The following NSF variants were observed in gnomAD, a reference collection of about 807,000 sequenced individuals.
The protein encoded by NSF is N-ethylmaleimide sensitive factor, vesicle fusing ATPase.
Under a neutral mutation model 50.3 loss-of-function variants are expected in NSF, and 14 were observed. The ratio of observed to expected loss-of-function variants is 0.28; its 90% confidence interval spans 0.18 to 0.44. NSF has a LOEUF of 0.44. Among genes scored for constraint, NSF ranks in the 20% least tolerant of loss-of-function variants. The pLI is 1.00. For missense variants in NSF, 218 were observed against 504.3 expected (o/e 0.43, Z 5.44); for synonymous variants, 109 against 175.7 (o/e 0.62, Z 3.00).
At chr17:46,673,911 G>GATA (rs1568027306) in intron 8 of NSF, among the ~76,000 whole-genome samples, 34 of 5,422 alleles carry the variant, frequency 6.3e-3, no homozygotes, top group East Asian at 0.035. Flanking sequence ...TTCCATGGGG[G>GATA]TGTGTGTGTG....
chr17:46,741,531 G>A (rs1339660340), intron 17 of NSF, among the ~76,000 whole-genome samples: 1 of 151,940 alleles, frequency 6.6e-6, no homozygotes, highest in Non-Finnish European at 1.5e-5. Flanking sequence ...CTGCCTAGTT[G>A]TGGCATGATT....
intron 15 of NSF, among the ~76,000 whole-genome samples, chr17:46,720,041 C>T (rs1365142193): frequency 1.3e-5 from 2 of 152,324 alleles, no homozygotes; most frequent in East Asian, 3.9e-4. Context: ...GTAGTCTGCA[C>T]AGAACAGAAT....
chr17:46,622,318 C>T lies in NSF; in HGVS notation c.13-1926C>T, dbSNP rs1332157460. Among the ~76,000 whole-genome samples the T allele has an allele frequency of 2.5e-4, 37 of 148,302 alleles. 1 individual carries two copies. The highest frequency in any genetic ancestry group is 8.1e-4 in the African/African-American group (32 of 39,286). ...TGAAAATACAAAAAAATTAGCCAGGCGTGGTGGTGGGTACCTGTAGTCCCA... is the reference window on the plus strand; with the variant it reads ...TGAAAATACAAAAAAATTAGCCAGGTGTGGTGGTGGGTACCTGTAGTCCCA... On this transcript the variant is annotated intron_variant, in intron 1 of 20. Transcript: ENST00000398238.
At chr17:46,754,963 C>T (rs973577897) in intron 19 of NSF, among the ~76,000 whole-genome samples, 1 of 152,246 alleles carries the variant, frequency 6.6e-6, no homozygotes, top group Admixed American at 6.5e-5. Flanking sequence ...ACACCTTCAA[C>T]AGGTGAATTG....
chr17:46,748,524 C>T (rs1156603253), intron 17 of NSF, among the ~76,000 whole-genome samples: 1 of 152,144 alleles, frequency 6.6e-6, no homozygotes, highest in South Asian at 2.1e-4. Flanking sequence ...ACCTCCCTCA[C>T]TCTTTCTGAG....
At chr17:46,740,043 C>T (rs2059054323) in intron 17 of NSF, among the ~76,000 whole-genome samples, 1 of 152,146 alleles carries the variant, frequency 6.6e-6, no homozygotes, top group South Asian at 2.1e-4. Flanking sequence ...TTCATAGGCC[C>T]TGGGCACTGT....
intron 9 of NSF, among the ~76,000 whole-genome samples, chr17:46,691,159 A>G (rs1329089335): frequency 1.1e-3 from 1 of 934 alleles, no homozygotes; most frequent in South Asian, 0.011. Flanking sequence ...GGATTCCTCC[A>G]GCCTCAGCCT....
Position 46,741,853 on chromosome 17 carries a change from G to A in NSF, c.1909-7920G>A, listed in dbSNP as rs559070930. ...GCCATCTCGGCTCACTGCAACCTCCGCCTCCCAGGTTCAAGCGTTCTCCTG... is the reference window on the plus strand; with the variant it reads ...GCCATCTCGGCTCACTGCAACCTCCACCTCCCAGGTTCAAGCGTTCTCCTG... On this transcript the variant is annotated intron_variant, in intron 17 of 20. Coordinates refer to ENST00000398238, the MANE Select transcript of NSF (RefSeq NM_006178.4). Among the ~76,000 whole-genome samples, 14 of 152,220 alleles carry A rather than the reference G, an allele frequency of 9.2e-5. No individual in the cohort carries two copies. In the East Asian group the frequency reaches 1.7e-3, roughly 19 times the overall value.
chr17:46,709,258 G>T (rs1335204974), intron 13 of NSF, among the ~76,000 whole-genome samples: 1 of 151,904 alleles, frequency 6.6e-6, no homozygotes, highest in Non-Finnish European at 1.5e-5. Flanking sequence ...GTAACTCCAA[G>T]ATTTTTTTAA....
intron 15 of NSF, chr17:46,721,678 C>T: frequency 6.2e-7 from 1 of 1,604,428 alleles, no homozygotes; most frequent in Non-Finnish European, 8.5e-7. Context: ...CCACATTGTT[C>T]TGCTGTGCTT....
intron 1 of NSF, among the ~76,000 whole-genome samples, chr17:46,595,492 CTTTT>C (rs1189885490): frequency 2.1e-5 from 2 of 96,118 alleles, no homozygotes; most frequent in Admixed American, 1.2e-4. Flanking sequence ...ATCACTGGAT[CTTTT>C]TTTTTTTTTT....
Position 46,751,601 on chromosome 17 carries a change from C to G in NSF, c.2142C>G (p.Ile714Met). 6.2e-7 allele frequency: 1 copy of G among 1,610,732 alleles called. No individual in the cohort carries two copies. The highest frequency in any genetic ancestry group is 8.5e-7 in the Non-Finnish European group (1 of 1,177,118). Residue 714 changes from isoleucine to methionine, a missense_variant, in exon 19 of 21, where the codon ATC (isoleucine) becomes ATG (methionine). Physicochemically the swap from Ile to Met is conservative, Grantham distance 10. Coordinates refer to ENST00000398238, the MANE Select transcript of NSF (RefSeq NM_006178.4). ...WIGIKKLLML[I>M]EMSLQMDPEY... is the part of the protein sequence containing the mutation. ...GAATCAAGAAGTTACTAATGCTGAT[C>G]GAGATGTCCCTACAGGTAAGGTACT...
intron 13 of NSF, 40 bp from the exon 14 acceptor site, chr17:46,710,923 A>G: frequency 2.6e-6 from 4 of 1,546,410 alleles, no homozygotes; most frequent in Non-Finnish European, 3.5e-6. Flanking sequence ...AGTTTTTAAC[A>G]CTAAGGCTCA....
At chr17:46,732,329 T>C (rs2058957570) in intron 17 of NSF, among the ~76,000 whole-genome samples, 1 of 152,200 alleles carries the variant, frequency 6.6e-6, no homozygotes, top group East Asian at 1.9e-4. Flanking sequence ...TATCCAGATA[T>C]TCTCTTTTCT....
chr17:46,740,542 T>C (rs944786942), intron 17 of NSF, among the ~76,000 whole-genome samples: 8 of 152,142 alleles, frequency 5.3e-5, no homozygotes, highest in Non-Finnish European at 7.3e-5. Context: ...GTGGGGAGTT[T>C]GGATTTGCTG....
At chr17:46,745,337 GTTTTCT>G (rs1307052786) in intron 17 of NSF, among the ~76,000 whole-genome samples, 1 of 152,180 alleles carries the variant, frequency 6.6e-6, no homozygotes, top group Admixed American at 6.5e-5. Context: ...GTTTTTCAAT[GTTTTCT>G]TAAAGATGAC....
At position 46,755,322 on chromosome 17, in the gene NSF, T is replaced by C. The variant is rs767941708; in HGVS notation, c.2166T>C (p.Pro722=). 27 of 1,613,114 alleles carry C rather than the reference T, an allele frequency of 1.7e-5. No individual in the cohort carries two copies. Among genetic ancestry groups the C allele is most frequent in the Non-Finnish European group, 2.2e-5 (26 of 1,179,004 alleles). ...TCTTCTGATGTATTTAGATGGATCCTGAATACCGTGTGAGAAAATTCTTGG... is the reference window on the plus strand; with the variant it reads ...TCTTCTGATGTATTTAGATGGATCCCGAATACCGTGTGAGAAAATTCTTGG... ...MLIEMSLQMD[P]EYRVRKFLAL... The change falls in exon 20 of 21, where the codon CCT becomes CCC. Residue 722 remains proline, a synonymous_variant. Transcript: ENST00000398238.
chr17:46,722,934 C>T (rs2058847542), intron 15 of NSF, among the ~76,000 whole-genome samples: 1 of 152,132 alleles, frequency 6.6e-6, no homozygotes, highest in Non-Finnish European at 1.5e-5. Flanking sequence ...TAGTAATTAG[C>T]ACAGAGACCG....
At chr17:46,642,657 TG>T (rs1330066530) in intron 7 of NSF, among the ~76,000 whole-genome samples, 1 of 84,792 alleles carries the variant, frequency 1.2e-5, no homozygotes, top group Non-Finnish European at 2.0e-5. Context: ...CCCAATTACC[TG>T]TATAAGCTTA....
Sources: allele counts gnomAD v4.1 joint callset (sites outside exome capture counted in the v4.1 genomes callset), GRCh38; gene constraint gnomAD v4.1.1; transcripts MANE v1.5; gene names NCBI Gene and HGNC (gene_info 2026-07-23, HGNC 2026-07-21).